Variants in SOX6 observed in about 807,000 individuals in gnomAD.
The protein encoded by SOX6 is transcription factor SOX-6.
SOX6 carries 11 observed loss-of-function variants against 97.8 expected under a neutral mutation model. That is an observed-to-expected ratio of 0.11 (90% confidence interval 0.07 to 0.19). The LOEUF is 0.19. Among genes scored for constraint, SOX6 ranks in the 10% least tolerant of loss-of-function variants. The pLI, the probability that SOX6 is intolerant of heterozygous loss-of-function variation, is 1.00. For synonymous variants in SOX6, 360 were observed against 371.4 expected (o/e 0.97, Z 0.35); for missense variants, 810 against 1,039.5 (o/e 0.78, Z 3.04).
intron 4 of SOX6, among the ~76,000 whole-genome samples, chr11:16,231,109 G>A (rs1852834734): frequency 1.3e-5 from 2 of 151,644 alleles, no homozygotes; most frequent in Non-Finnish European, 3.0e-5. Flanking sequence ...GCAGAATATT[G>A]TTCAATTTCA....
chr11:16,253,370 A>AAGCATCAG (rs1853576061), intron 3 of SOX6, among the ~76,000 whole-genome samples: 1 of 151,994 alleles, frequency 6.6e-6, no homozygotes, highest in Admixed American at 6.6e-5. Context: ...GAAACTGAAC[A>AAGCATCAG]AGCATCAGAG....
chr11:16,351,581 C>T (rs2134359671), intron 1 of SOX6, among the ~76,000 whole-genome samples: 1 of 152,188 alleles, frequency 6.6e-6, no homozygotes, highest in South Asian at 2.1e-4. Context: ...GCACTTGAGG[C>T]CCTCCATCCA....
intron 1 of SOX6, among the ~76,000 whole-genome samples, chr11:16,447,513 T>G (rs552715854): frequency 3.9e-5 from 6 of 152,066 alleles, no homozygotes; most frequent in Admixed American, 1.3e-4. Context: ...TCAGTATATA[T>G]AGAGAGAGAA....
At chr11:16,483,569 C>T (rs1456518829) in intron 4 of SOX6, among the ~76,000 whole-genome samples, 7 of 152,150 alleles carry the variant, frequency 4.6e-5, no homozygotes, top group Non-Finnish European at 1.0e-4. Flanking sequence ...ATTCTACTGA[C>T]AGGGCTCCTC....
At chr11:16,213,052 C>G (rs1852271045) in intron 4 of SOX6, among the ~76,000 whole-genome samples, 1 of 152,082 alleles carries the variant, frequency 6.6e-6, no homozygotes, top group Admixed American at 6.6e-5. Flanking sequence ...GTTAAAATCT[C>G]CCTCTCATCT....
intron 4 of SOX6, among the ~76,000 whole-genome samples, chr11:16,568,744 C>A (rs929434349): frequency 6.6e-6 from 1 of 152,092 alleles, no homozygotes; most frequent in Admixed American, 6.5e-5. Context: ...CTTTTATGTG[C>A]TCCAACAGCC....
At chr11:16,069,492 C>A (rs1376917659) in intron 9 of SOX6, among the ~76,000 whole-genome samples, 1 of 152,028 alleles carries the variant, frequency 6.6e-6, no homozygotes, top group Non-Finnish European at 1.5e-5. Flanking sequence ...AGAAATGTAC[C>A]TTACAAGTAC....
In SOX6 at chr11:16,135,655, G is replaced by A. The variant is rs532830596; in HGVS notation, c.778-23732C>T. Among the ~76,000 whole-genome samples the A allele has an allele frequency of 3.9e-5, 6 of 152,322 alleles. No homozygotes were observed. The South Asian group carries it at 1.2e-3, about 32-fold the overall frequency. ...ATAATAAAACCTTAATGGATGTGAA[G>A]TTGCGCCTTATAGGTGAGCAAAGAA... is the stretch of plus-strand genomic sequence containing the variant. On this transcript the variant is annotated intron_variant, in intron 6 of 15. Transcript: ENST00000683767.
intron 2 of SOX6, among the ~76,000 whole-genome samples, chr11:16,319,299 C>G (rs1565089186): frequency 6.6e-6 from 1 of 152,152 alleles, no homozygotes; most frequent in Non-Finnish European, 1.5e-5. Context: ...AAGTCTCTTT[C>G]TATTCCTTAC....
intron 3 of SOX6, among the ~76,000 whole-genome samples, chr11:16,258,846 T>C (rs112997279): frequency 8.0e-5 from 10 of 125,334 alleles, no homozygotes; most frequent in Admixed American, 4.7e-4. Flanking sequence ...CACACACACA[T>C]ATATATACAT....
chr11:16,484,408 C>A (rs1187502198), intron 4 of SOX6: 2 of 789,592 alleles, frequency 2.5e-6, no homozygotes, highest in Non-Finnish European at 4.6e-6. Context: ...CTCCTTTAAC[C>A]AGGCCCTTCT....
chr11:16,015,569 G>T (rs1281447718), intron 12 of SOX6, among the ~76,000 whole-genome samples: 2 of 151,968 alleles, frequency 1.3e-5, no homozygotes, highest in African/African-American at 4.8e-5. Flanking sequence ...TTTTGTCTCA[G>T]AATTTCAACT....
At chr11:16,187,444 G>A (rs1189109195) in intron 4 of SOX6, among the ~76,000 whole-genome samples, 2 of 152,118 alleles carry the variant, frequency 1.3e-5, no homozygotes. Flanking sequence ...ACAAAGATAT[G>A]TCACTGAAGT....
In SOX6 at chr11:16,617,582, A is replaced by T. The variant is rs561087314; in HGVS notation, n.430-5322T>A. Among the ~76,000 whole-genome samples, 150 of 151,892 alleles carry T rather than the reference A, an allele frequency of 9.9e-4. 1 individual carries two copies. Among genetic ancestry groups the T allele is most frequent in the Non-Finnish European group, 1.4e-3 (93 of 67,778 alleles). On this transcript the variant is annotated intron_variant and non_coding_transcript_variant, in intron 3 of 5. Transcript: ENST00000524520. Reference sequence around the variant, plus strand: ...ACAATATGTCATTTCAATTAATTTTATATGCAGTGATAAGGCCTAGTTCTA... The same window carrying T: ...ACAATATGTCATTTCAATTAATTTTTTATGCAGTGATAAGGCCTAGTTCTA...
chr11:16,640,243 C>A (rs956618507), intron 3 of SOX6, among the ~76,000 whole-genome samples: 1 of 152,162 alleles, frequency 6.6e-6, no homozygotes, highest in African/African-American at 2.4e-5. Flanking sequence ...ACCAGCCTTG[C>A]ATCCCAGGGA....
chr11:16,664,769 C>T (rs1265879749), intron 3 of SOX6, among the ~76,000 whole-genome samples: 1 of 151,870 alleles, frequency 6.6e-6, no homozygotes, highest in African/African-American at 2.4e-5. Context: ...CAGTGCAGCC[C>T]ACAGGTCCAG....
rs574310838 is a variant in SOX6, at chr11:15,992,465, C to T, written c.1733-3235G>A. ...CTTCCTATTTTTGCCCCCTTCCTGT[C>T]CTATCTCCCAAATATGTAGTACTCT... On this transcript the variant is annotated intron_variant, in intron 13 of 15. Coordinates refer to ENST00000683767, the MANE Select transcript of SOX6 (RefSeq NM_001367873.1). Among the ~76,000 whole-genome samples the T allele has an allele frequency of 5.9e-5, 9 of 152,226 alleles. No individual in the cohort carries two copies. The South Asian group carries it at 1.9e-3, about 32-fold the overall frequency.
At chr11:16,190,293 T>C (rs1291921976) in intron 4 of SOX6, among the ~76,000 whole-genome samples, 2 of 152,242 alleles carry the variant, frequency 1.3e-5, no homozygotes, top group Non-Finnish European at 2.9e-5. Flanking sequence ...AGGCTGTCAC[T>C]ATTTTTTCCT....
chr11:16,119,249 C>A (rs1440340154), intron 6 of SOX6, among the ~76,000 whole-genome samples: 2 of 152,130 alleles, frequency 1.3e-5, no homozygotes, highest in African/African-American at 4.8e-5. Context: ...TGGAAATCCA[C>A]AGTACATGGA....
Sources: gnomAD v4.1 joint callset for allele counts (sites outside exome capture counted in the v4.1 genomes callset) on GRCh38, gnomAD v4.1.1 for gene constraint, MANE v1.5 for transcripts, NCBI Gene and HGNC (gene_info 2026-07-23, HGNC 2026-07-21) for gene names.